CNTNAP2: variants seen among roughly 807,000 people sequenced by gnomAD.
CNTNAP2 encodes contactin associated protein 2.
In CNTNAP2, 98 loss-of-function variants were observed where a neutral mutation model predicts 155.2. The observed-to-expected ratio is 0.63, with a 90% CI of 0.54 to 0.75. The LOEUF is 0.75. Among genes scored for constraint, CNTNAP2 ranks in the 30% least tolerant of loss-of-function variants. CNTNAP2 has a pLI of 0.00. For missense variants in CNTNAP2, 1,727 were observed against 1,688.1 expected (o/e 1.02, Z -0.40); for synonymous variants, 651 against 631.2 (o/e 1.03, Z -0.47).
rs1795132939 is a variant in CNTNAP2 at position 147,633,940 on chromosome 7, T to TA, written c.1898-5160dup. The stretch of plus-strand genomic sequence containing the variant: ...TTATTCCTGCAAGAATGGCCATAAT[T>TA]AAAAAATCAAAAAATAACAGGTGGC... On this transcript the variant is annotated intron_variant, in intron 12 of 23. Coordinates refer to ENST00000361727, the MANE Select transcript of CNTNAP2 (RefSeq NM_014141.6). Among the ~76,000 whole-genome samples the TA allele has an allele frequency of 3.9e-5, 6 of 152,140 alleles. No homozygotes were observed. The South Asian group carries it at 1.2e-3, about 32-fold the overall frequency.
intron 11 of CNTNAP2, among the ~76,000 whole-genome samples, chr7:147,553,049 ACTC>A (rs1294127184): frequency 6.6e-6 from 1 of 152,102 alleles, no homozygotes; most frequent in Non-Finnish European, 1.5e-5. Context: ...TGTCTACTAA[ACTC>A]CTAGAGAATG....
At chr7:147,670,031 A>T (rs1018430240) in intron 13 of CNTNAP2, among the ~76,000 whole-genome samples, 14 of 152,168 alleles carry the variant, frequency 9.2e-5, no homozygotes, top group Admixed American at 9.2e-4. Context: ...TACTGGTCTC[A>T]TATTCTATTT....
chr7:146,727,822 A>G (rs1250171430), intron 1 of CNTNAP2, among the ~76,000 whole-genome samples: 2 of 152,158 alleles, frequency 1.3e-5, no homozygotes, highest in Non-Finnish European at 2.9e-5. Flanking sequence ...GTCTTAAGAA[A>G]ATGCTCATTG....
chr7:147,606,098 G>T (rs951303681), intron 12 of CNTNAP2, among the ~76,000 whole-genome samples: 2 of 149,856 alleles, frequency 1.3e-5, no homozygotes, highest in African/African-American at 4.9e-5. Context: ...ACATCCCTAT[G>T]CCCATTTCCA....
chr7:148,013,882 C>G (rs1290966671), intron 15 of CNTNAP2, among the ~76,000 whole-genome samples: 1 of 151,978 alleles, frequency 6.6e-6, no homozygotes, highest in African/African-American at 2.4e-5. Flanking sequence ...TTAAATTGCT[C>G]TGAAATGGAG....
At chr7:146,542,310 G>A (rs1797964920) in intron 1 of CNTNAP2, among the ~76,000 whole-genome samples, 1 of 151,894 alleles carries the variant, frequency 6.6e-6, no homozygotes, top group African/African-American at 2.4e-5. Context: ...TAAAACGACT[G>A]CAATAAGACT....
chr7:147,264,241 A>G (rs985866637), intron 8 of CNTNAP2, among the ~76,000 whole-genome samples: 1 of 152,194 alleles, frequency 6.6e-6, no homozygotes, highest in African/African-American at 2.4e-5. Flanking sequence ...TAATGTTGTG[A>G]TATGAGTCTC....
intron 21 of CNTNAP2, among the ~76,000 whole-genome samples, chr7:148,295,087 T>C (rs1384919737): frequency 1.3e-5 from 2 of 152,152 alleles, no homozygotes; most frequent in Admixed American, 6.5e-5. Flanking sequence ...TTTACAAAAC[T>C]TAATTCTTTT....
chr7:146,882,785 G>A (rs1795579153), intron 3 of CNTNAP2, among the ~76,000 whole-genome samples: 1 of 152,100 alleles, frequency 6.6e-6, no homozygotes, highest in Non-Finnish European at 1.5e-5. Context: ...TAATGTTCAG[G>A]CTGAGAACCA....
At chr7:146,438,762 G>T (rs1342829841) in intron 1 of CNTNAP2, among the ~76,000 whole-genome samples, 1 of 151,506 alleles carries the variant, frequency 6.6e-6, no homozygotes, top group East Asian at 1.9e-4. Context: ...ATTTCTAAAA[G>T]ATTAAGATAG....
chr7:147,433,838 C>T lies in CNTNAP2; in HGVS notation c.1670+38058C>T, dbSNP rs543773879. Among the ~76,000 whole-genome samples the T allele has an allele frequency of 7.9e-5, 12 of 152,268 alleles. No individual in the cohort carries two copies. In the South Asian group the frequency reaches 2.5e-3, roughly 32 times the overall value. On this transcript the variant is annotated intron_variant, in intron 10 of 23. Transcript: ENST00000361727. ...AAGGAACTTATTTTCTTTGATATGT[C>T]TTGTTGTATGACCTTGGTAGGAACA... is the stretch of plus-strand genomic sequence containing the variant.
At chr7:146,943,714 G>A (rs1391424348) in intron 3 of CNTNAP2, among the ~76,000 whole-genome samples, 1 of 152,056 alleles carries the variant, frequency 6.6e-6, no homozygotes, top group African/African-American at 2.4e-5. Flanking sequence ...GGAGCACTTC[G>A]AGCATCACTA....
At position 146,863,365 on chromosome 7, in the gene CNTNAP2, T is replaced by C. The variant is rs1242287584; in HGVS notation, c.402+23461T>C. On this transcript the variant is annotated intron_variant, in intron 3 of 23. Coordinates refer to ENST00000361727, the MANE Select transcript of CNTNAP2 (RefSeq NM_014141.6). ...AACATAATCATGCTACCAAGAACTTTATTCAATTGAGATGAAGAGTTATCA... is the reference window on the plus strand; with the variant it reads ...AACATAATCATGCTACCAAGAACTTCATTCAATTGAGATGAAGAGTTATCA... 5.3e-5 allele frequency among the ~76,000 whole-genome samples: 8 copies of C among 152,276 alleles called. No homozygotes were observed. The East Asian group carries it at 1.5e-3, about 29-fold the overall frequency.
At chr7:146,288,216 T>G (rs1056297421) in intron 1 of CNTNAP2, among the ~76,000 whole-genome samples, 5 of 150,410 alleles carry the variant, frequency 3.3e-5, no homozygotes, top group Non-Finnish European at 7.4e-5. Flanking sequence ...GAGGATTGCT[T>G]GGACCTGGGA....
intron 17 of CNTNAP2, among the ~76,000 whole-genome samples, chr7:148,167,447 A>G (rs1442173880): frequency 1.3e-5 from 2 of 152,146 alleles, no homozygotes; most frequent in African/African-American, 4.8e-5. Flanking sequence ...AATGAACACA[A>G]CAAATACAAA....
At chr7:147,326,171 G>A (rs554380267) in intron 9 of CNTNAP2, among the ~76,000 whole-genome samples, 106 of 152,252 alleles carry the variant, frequency 7.0e-4, no homozygotes, top group African/African-American at 1.6e-3. Context: ...TGATCCGCCC[G>A]CCTTGGCCTC....
At chr7:146,721,643 CTATA>C (rs1263049982) in intron 1 of CNTNAP2, among the ~76,000 whole-genome samples, 1 of 114,886 alleles carries the variant, frequency 8.7e-6, no homozygotes, top group East Asian at 2.3e-4. Context: ...TATATATATT[CTATA>C]TATATTCTAT....
chr7:147,280,587 C>G (rs1172268691), intron 8 of CNTNAP2, among the ~76,000 whole-genome samples: 1 of 151,808 alleles, frequency 6.6e-6, no homozygotes, highest in Non-Finnish European at 1.5e-5. Context: ...TTAACTCAAG[C>G]AGTCTCATTG....
At chr7:146,276,452 A>G (rs1800166799) in intron 1 of CNTNAP2, among the ~76,000 whole-genome samples, 1 of 152,222 alleles carries the variant, frequency 6.6e-6, no homozygotes, top group East Asian at 1.9e-4. Context: ...TGTTTATTGA[A>G]TCCATGAATG....
Sources: allele counts gnomAD v4.1 joint callset (sites outside exome capture counted in the v4.1 genomes callset), GRCh38; gene constraint gnomAD v4.1.1; transcripts MANE v1.5; gene names NCBI Gene and HGNC (gene_info 2026-07-23, HGNC 2026-07-21).